The following SAMD4A variants were observed in gnomAD, a reference collection of about 807,000 sequenced individuals.
SAMD4A encodes the protein protein Smaug homolog 1.
SAMD4A carries 33 observed loss-of-function variants against 81.3 expected under a neutral mutation model. That is an observed-to-expected ratio of 0.41 (90% CI 0.31 to 0.54). The LOEUF (loss-of-function observed/expected upper bound fraction) is 0.54, where lower values mean the gene tolerates loss of function less well. Ranked by LOEUF, SAMD4A falls within the 20% of genes least tolerant of loss-of-function variation. The probability of loss-of-function intolerance (pLI) is 0.37; values close to 1 mark genes in which losing one functional copy is unlikely to be tolerated. For synonymous variants in SAMD4A, 389 were observed against 382.1 expected, an observed-to-expected ratio of 1.02 and a Z score of -0.21; for missense variants, 854 against 951.1, an observed-to-expected ratio of 0.90 and a Z score of 1.34.
At chr14:54,685,352 G>C (rs150363941) in intron 2 of SAMD4A, among the ~76,000 whole-genome samples, 2 of 149,738 alleles carry the variant, frequency 1.3e-5, no homozygotes, top group East Asian at 4.0e-4. Context: ...GAGTCATACA[G>C]CATTTGTCCT....
chr14:54,596,430 C>T (rs2033912716), intron 2 of SAMD4A, among the ~76,000 whole-genome samples: 1 of 152,018 alleles, frequency 6.6e-6, no homozygotes, highest in Admixed American at 6.5e-5. Context: ...ACTAAAAATA[C>T]AAAAATTAGC....
chr14:54,611,591 T>C (rs999922510), intron 2 of SAMD4A, among the ~76,000 whole-genome samples: 11 of 152,124 alleles, frequency 7.2e-5, no homozygotes, highest in Admixed American at 5.9e-4. Context: ...AATAAGCCAG[T>C]TGGGGCCAGG....
At chr14:54,647,853 C>G (rs12586228) in intron 2 of SAMD4A, among the ~76,000 whole-genome samples, 60,841 of 152,094 alleles carry the variant, frequency 0.4, 12,961 homozygotes, top group East Asian at 0.73. Context: ...AGGTTCTGTA[C>G]TATCCAGTAG....
intron 4 of SAMD4A, among the ~76,000 whole-genome samples, chr14:54,747,567 A>C (rs781584625): frequency 6.6e-6 from 1 of 152,250 alleles, no homozygotes; most frequent in Non-Finnish European, 1.5e-5. Flanking sequence ...AATTGATAGA[A>C]TCCTGTAATC....
At chr14:54,769,174 A>G (rs2038637245) in intron 8 of SAMD4A, among the ~76,000 whole-genome samples, 2 of 152,150 alleles carry the variant, frequency 1.3e-5, no homozygotes, top group East Asian at 1.9e-4. Context: ...AGAACACCTC[A>G]TGTTCATGCT....
intron 3 of SAMD4A, among the ~76,000 whole-genome samples, chr14:54,729,080 C>G (rs935668190): frequency 6.6e-6 from 1 of 152,190 alleles, no homozygotes; most frequent in African/African-American, 2.4e-5. Flanking sequence ...CTGGTAGCAA[C>G]AAGGTGTAAA....
intron 2 of SAMD4A, among the ~76,000 whole-genome samples, chr14:54,654,211 A>G (rs905642339): frequency 6.6e-6 from 1 of 152,158 alleles, no homozygotes; most frequent in African/African-American, 2.4e-5. Context: ...CTCCCTTTTA[A>G]TCAGGAAACC....
chr14:54,626,866 T>C (rs1436576772), intron 2 of SAMD4A, among the ~76,000 whole-genome samples: 2 of 152,186 alleles, frequency 1.3e-5, no homozygotes, highest in Admixed American at 1.3e-4. Context: ...CAGGCATTAT[T>C]ATACCCATTT....
At chr14:54,678,765 G>C (rs1246477904) in intron 2 of SAMD4A, among the ~76,000 whole-genome samples, 1 of 152,024 alleles carries the variant, frequency 6.6e-6, no homozygotes, top group Non-Finnish European at 1.5e-5. Flanking sequence ...AGCCAGGATG[G>C]TCTCGATCTC....
At chr14:54,641,120 G>C (rs1173469123) in intron 2 of SAMD4A, among the ~76,000 whole-genome samples, 1 of 152,188 alleles carries the variant, frequency 6.6e-6, no homozygotes, top group Non-Finnish European at 1.5e-5. Context: ...TCCACTTAAT[G>C]ATGACTTGAA....
At chr14:54,652,013 G>A (rs1382838581) in intron 2 of SAMD4A, among the ~76,000 whole-genome samples, 3 of 152,234 alleles carry the variant, frequency 2.0e-5, no homozygotes, top group Admixed American at 6.5e-5. Flanking sequence ...ATACTCAAGA[G>A]TTAGTGTTTC....
At chr14:54,754,721 TC>T (rs955618845) in intron 6 of SAMD4A, 1 of 469,120 alleles carries the variant, frequency 2.1e-6, no homozygotes, top group African/African-American at 2.1e-5. Flanking sequence ...CTTGCCTGCC[TC>T]CCATATTCTT....
rs201226426 is a variant in SAMD4A, at chr14:54,788,966, G to A, written c.*22G>A. 1.3e-4 allele frequency: 215 copies of A among 1,613,780 alleles called. 1 individual carries two copies. Among genetic ancestry groups the A allele is most frequent in the African/African-American group, 9.5e-4 (71 of 75,020 alleles). ...CTAGAAGCTGAAGACGAGAGTGACC[G>A]CGCTGGCCGTGAAATCGACTGCTGC... On this transcript the variant is annotated 3_prime_UTR_variant, in exon 13 of 13. Transcript: ENST00000554335.
intron 2 of SAMD4A, among the ~76,000 whole-genome samples, chr14:54,644,376 T>C (rs2035239903): frequency 6.6e-6 from 1 of 152,244 alleles, no homozygotes. Context: ...ATTTAAATGT[T>C]GACGGGTAAT....
chr14:54,631,074 A>G (rs964773614), intron 2 of SAMD4A, among the ~76,000 whole-genome samples: 5 of 151,888 alleles, frequency 3.3e-5, no homozygotes, highest in Non-Finnish European at 5.9e-5. Flanking sequence ...TGGGCTCAAA[A>G]CATGGGAAAA....
chr14:54,727,497 C>A (rs780231556), intron 3 of SAMD4A, among the ~76,000 whole-genome samples: 3 of 151,994 alleles, frequency 2.0e-5, no homozygotes, highest in Admixed American at 6.6e-5. Context: ...CCTTGGGGGC[C>A]ATTTTAAATG....
At chr14:54,601,481 C>T (rs1005832866) in intron 2 of SAMD4A, among the ~76,000 whole-genome samples, 1 of 152,124 alleles carries the variant, frequency 6.6e-6, no homozygotes, top group Middle Eastern at 3.2e-3. Flanking sequence ...CTCCTTTGTC[C>T]TTTTTGATTC....
chr14:54,628,208 A>G (rs1282013911), intron 2 of SAMD4A, among the ~76,000 whole-genome samples: 1 of 152,096 alleles, frequency 6.6e-6, no homozygotes, highest in Non-Finnish European at 1.5e-5. Context: ...CAAAATCCAA[A>G]TATAGGGCCC....
At chr14:54,661,649 A>G (rs986064018) in intron 2 of SAMD4A, among the ~76,000 whole-genome samples, 1 of 152,162 alleles carries the variant, frequency 6.6e-6, no homozygotes, top group Non-Finnish European at 1.5e-5. Context: ...CTTTGTGACT[A>G]TTCCACAGTC....
Sources: allele counts gnomAD v4.1 joint callset (sites outside exome capture counted in the v4.1 genomes callset), GRCh38; gene constraint gnomAD v4.1.1; transcripts MANE v1.5; gene names NCBI Gene and HGNC (gene_info 2026-07-23, HGNC 2026-07-21).